The following LAMA2 variants were observed in gnomAD, a reference collection of about 807,000 sequenced individuals.
LAMA2 encodes laminin subunit alpha-2.
A neutral mutation model predicts 364.8 loss-of-function variants in LAMA2; 269 were observed. The ratio of observed to expected loss-of-function variants is 0.74; its 90% CI spans 0.67 to 0.82. LAMA2 has a LOEUF of 0.82. Among genes scored for constraint, LAMA2 ranks in the 40% least tolerant of loss-of-function variants. The pLI is 0.00. For missense variants in LAMA2, 3,807 were observed against 3,873.2 expected (o/e 0.98, Z 0.45); for synonymous variants, 1,379 against 1,370.6 (o/e 1.01, Z -0.14).
At chr6:129,269,325 C>T (rs1453581008) in intron 16 of LAMA2, among the ~76,000 whole-genome samples, 3 of 150,762 alleles carry the variant, frequency 2.0e-5, no homozygotes, top group Admixed American at 6.6e-5. Flanking sequence ...TAACAGGACA[C>T]CTGTAAAAAT....
At chr6:129,302,748 C>T (rs923964010) in intron 22 of LAMA2, among the ~76,000 whole-genome samples, 2 of 152,012 alleles carry the variant, frequency 1.3e-5, no homozygotes, top group Admixed American at 1.3e-4. Flanking sequence ...ATTACTTTGA[C>T]TCCTTTGTCA....
At chr6:129,094,664 A>G (rs1348526353) in intron 3 of LAMA2, among the ~76,000 whole-genome samples, 2 of 152,094 alleles carry the variant, frequency 1.3e-5, no homozygotes, top group Non-Finnish European at 2.9e-5. Context: ...ATGCTTTGCT[A>G]TCTCTCTTTT....
Position 129,315,815 on chromosome 6 carries a change from A to G in LAMA2, c.3789A>G (p.Glu1263=), listed in dbSNP as rs1298430199. The change falls in exon 26 of 65, where the codon GAA becomes GAG. Residue 1263 remains glutamate, a synonymous_variant. Coordinates refer to ENST00000421865, the MANE Select transcript of LAMA2 (RefSeq NM_000426.4). Reference sequence around the variant, plus strand: ...ATGCAATCTATTTCGAGGCTCGGGAAGAAACAGGTTTCTCTACATATAATC... The same window carrying G: ...ATGCAATCTATTTCGAGGCTCGGGAGGAAACAGGTTTCTCTACATATAATC... ...LKYAIYFEAR[E]ETGFSTYNPQ... The G allele has an allele frequency of 2.5e-6, 4 of 1,614,156 alleles. No individual in the cohort carries two copies. The East Asian group carries it at 6.7e-5, about 27-fold the overall frequency.
intron 1 of LAMA2, among the ~76,000 whole-genome samples, chr6:128,980,694 TATC>T (rs1782811418): frequency 6.6e-6 from 1 of 152,178 alleles, no homozygotes; most frequent in African/African-American, 2.4e-5. Context: ...CCAGCTGAAA[TATC>T]ATGATTGTTA....
intron 4 of LAMA2, among the ~76,000 whole-genome samples, chr6:129,111,565 T>G (rs570182926): frequency 1.2e-4 from 18 of 152,132 alleles, no homozygotes; most frequent in African/African-American, 4.1e-4. Context: ...TCCATTAAAA[T>G]GCAGTTTCAT....
chr6:129,099,840 C>T (rs2114876815), intron 4 of LAMA2, among the ~76,000 whole-genome samples: 1 of 152,264 alleles, frequency 6.6e-6, no homozygotes, highest in African/African-American at 2.4e-5. Flanking sequence ...CTCAATCTGC[C>T]AAATGACAAG....
At chr6:128,910,908 A>C (rs1777880445) in intron 1 of LAMA2, among the ~76,000 whole-genome samples, 1 of 151,588 alleles carries the variant, frequency 6.6e-6, no homozygotes, top group African/African-American at 2.4e-5. Flanking sequence ...GTGAGGTGTC[A>C]GTGTGCCCCT....
intron 1 of LAMA2, among the ~76,000 whole-genome samples, chr6:129,008,356 T>C (rs1784558603): frequency 6.6e-6 from 1 of 152,170 alleles, no homozygotes; most frequent in African/African-American, 2.4e-5. Flanking sequence ...GTAAGAGATG[T>C]TCATTTTCTT....
At chr6:129,271,630 C>A (rs1366635548) in intron 17 of LAMA2, among the ~76,000 whole-genome samples, 2 of 151,884 alleles carry the variant, frequency 1.3e-5, no homozygotes, top group Non-Finnish European at 2.9e-5. Context: ...ACAATTTTTA[C>A]TCAAAAGTGA....
intron 29 of LAMA2, among the ~76,000 whole-genome samples, chr6:129,341,993 A>G (rs1187782881): frequency 6.6e-6 from 1 of 152,248 alleles, no homozygotes; most frequent in East Asian, 1.9e-4. Context: ...ATGAAGAAAC[A>G]TAAATGCCTA....
chr6:129,355,767 G>A (rs187619605), intron 32 of LAMA2, among the ~76,000 whole-genome samples: 1 of 152,236 alleles, frequency 6.6e-6, no homozygotes, highest in African/African-American at 2.4e-5. Context: ...TATTGTACAA[G>A]AGTTAATTTT....
At chr6:129,222,954 C>A (rs181711535) in intron 12 of LAMA2, among the ~76,000 whole-genome samples, 2 of 152,276 alleles carry the variant, frequency 1.3e-5, no homozygotes, top group East Asian at 3.9e-4. Context: ...TTTACAATCC[C>A]ACCAACAGTG....
At chr6:129,005,722 G>GTGTGTA (rs1784408960) in intron 1 of LAMA2, among the ~76,000 whole-genome samples, 1 of 150,970 alleles carries the variant, frequency 6.6e-6, no homozygotes, top group Admixed American at 6.6e-5. Context: ...GTGTGTGTGT[G>GTGTGTA]TGTGTATGTG....
chr6:129,217,541 A>G (rs1380311891), intron 12 of LAMA2, among the ~76,000 whole-genome samples: 1 of 152,214 alleles, frequency 6.6e-6, no homozygotes, highest in African/African-American at 2.4e-5. Context: ...TCTCCTATAA[A>G]TAGTGCTTTC....
intron 34 of LAMA2, among the ~76,000 whole-genome samples, chr6:129,382,911 C>T (rs1197533085): frequency 6.6e-6 from 1 of 152,202 alleles, no homozygotes; most frequent in African/African-American, 2.4e-5. Context: ...AGACCAAATA[C>T]AGCTCTCTGA....
chr6:129,145,879 A>G (rs1352259000), intron 5 of LAMA2, among the ~76,000 whole-genome samples: 1 of 151,986 alleles, frequency 6.6e-6, no homozygotes, highest in Non-Finnish European at 1.5e-5. Context: ...CTACTGTATC[A>G]GCTTTTTAAG....
intron 34 of LAMA2, among the ~76,000 whole-genome samples, chr6:129,382,228 A>T (rs567571818): frequency 6.6e-6 from 1 of 152,358 alleles, no homozygotes; most frequent in African/African-American, 2.4e-5. Context: ...GTAAAAGAGA[A>T]GAAGGCTTAT....
intron 1 of LAMA2, among the ~76,000 whole-genome samples, chr6:128,904,497 C>G (rs1237345188): frequency 6.8e-6 from 1 of 146,716 alleles, no homozygotes; most frequent in African/African-American, 2.6e-5. Flanking sequence ...CCCTGTTGCC[C>G]AGGCTGGAGT....
chr6:129,340,609 G>T (rs1016012642), intron 29 of LAMA2, among the ~76,000 whole-genome samples: 6 of 151,998 alleles, frequency 3.9e-5, no homozygotes, highest in Non-Finnish European at 8.8e-5. Context: ...GCTGAGGTGG[G>T]TGGATCACCT....
Sources: gnomAD v4.1 joint callset for allele counts (sites outside exome capture counted in the v4.1 genomes callset) on GRCh38, gnomAD v4.1.1 for gene constraint, MANE v1.5 for transcripts, NCBI Gene and HGNC (gene_info 2026-07-23, HGNC 2026-07-21) for gene names.